Variants in TBC1D19 observed in about 807,000 individuals in gnomAD.
TBC1D19 encodes TBC1 domain family, member 19.
In TBC1D19, 60 loss-of-function variants were observed where a neutral mutation model predicts 89.0. The observed-to-expected ratio is 0.67, with a 90% CI of 0.55 to 0.84. TBC1D19 has a LOEUF of 0.84. Among genes scored for constraint, TBC1D19 ranks in the 40% least tolerant of loss-of-function variants. TBC1D19 has a pLI of 0.00. For synonymous variants in TBC1D19, 189 were observed against 199.7 expected (o/e 0.95, Z 0.45); for missense variants, 500 against 610.8 (o/e 0.82, Z 1.91).
chr4:26,707,111 G>T (rs896476908), intron 13 of TBC1D19, among the ~76,000 whole-genome samples: 1 of 151,716 alleles, frequency 6.6e-6, no homozygotes, highest in Non-Finnish European at 1.5e-5. Flanking sequence ...CCTGTCTAGT[G>T]GTTCTATCCA....
chr4:26,844,129 C>A, the TBC1D19 span, among the ~76,000 whole-genome samples: 1 of 152,144 alleles, frequency 6.6e-6, no homozygotes, highest in Non-Finnish European at 1.5e-5. Flanking sequence ...TAAATTAAGT[C>A]TTCATATCTT....
At chr4:26,817,981 A>ATATATATATATATATATATAT in the TBC1D19 span, among the ~76,000 whole-genome samples, 153 of 125,910 alleles carry the variant, frequency 1.2e-3, 3 homozygotes, top group African/African-American at 5.2e-3. Flanking sequence ...AAAAAAAAAA[A>ATATATATATATATATATATAT]ATATATATAT....
intron 17 of TBC1D19, chr4:26,740,898 A>T: frequency 1.0e-6 from 1 of 985,398 alleles, no homozygotes; most frequent in Non-Finnish European, 1.2e-6. Flanking sequence ...ATACATCGCT[A>T]GTGAAAGTTG....
chr4:26,720,219 A>G (rs1451615332), intron 15 of TBC1D19, 94 bp downstream of exon 15: 3 of 848,464 alleles, frequency 3.5e-6, no homozygotes, highest in Non-Finnish European at 5.4e-6. Flanking sequence ...TTAATGGATA[A>G]TCATTTATTA....
rs1333429109 is a variant in TBC1D19, at chr4:26,592,850, G to A, written c.99+8558G>A. Reference sequence around the variant, plus strand: ...AATGAAATAAAAGAGGATACAAACAGATGGAAGAACATTCCATGCTCATGG... The same window carrying A: ...AATGAAATAAAAGAGGATACAAACAAATGGAAGAACATTCCATGCTCATGG... On this transcript the variant is annotated intron_variant, in intron 1 of 20. Transcript: ENST00000264866. Among the ~76,000 whole-genome samples the A allele has an allele frequency of 1.7e-4, 26 of 152,004 alleles. No homozygotes were observed. The East Asian group carries it at 2.7e-3, about 16-fold the overall frequency.
At chr4:26,661,823 T>C (rs1442047123) in intron 8 of TBC1D19, among the ~76,000 whole-genome samples, 1 of 152,160 alleles carries the variant, frequency 6.6e-6, no homozygotes, top group African/African-American at 2.4e-5. Flanking sequence ...ATCCAAATGC[T>C]ACTTCCCAAC....
At chr4:26,583,052 C>T (rs189004363), upstream of TBC1D19, among the ~76,000 whole-genome samples, 16 of 152,274 alleles carry the variant, frequency 1.1e-4, no homozygotes, top group Non-Finnish European at 1.6e-4. Context: ...CTCTTTGTTT[C>T]TAGTTAGTCT....
chr4:26,620,768 G>A (rs1741998029), intron 4 of TBC1D19, 80 bp downstream of exon 4: 7 of 1,250,116 alleles, frequency 5.6e-6, no homozygotes, highest in Non-Finnish European at 7.9e-6. Context: ...CTGATGTCAG[G>A]AGTATGTATT....
chr4:26,613,327 A>G, intron 2 of TBC1D19, 86 bp downstream of exon 2: 2 of 798,374 alleles, frequency 2.5e-6, no homozygotes, highest in East Asian at 3.1e-5. Flanking sequence ...AGCTTGTACA[A>G]CCACCTTACT....
downstream of TBC1D19, among the ~76,000 whole-genome samples, chr4:26,758,875 C>A (rs1719361219): frequency 6.6e-6 from 1 of 152,186 alleles, no homozygotes; most frequent in African/African-American, 2.4e-5. Context: ...ACTGCTCAAA[C>A]TAGAGTAGTA....
intron 10 of TBC1D19, 142 bp from the exon 11 acceptor site, chr4:26,673,634 A>G: frequency 1.6e-6 from 1 of 637,276 alleles, no homozygotes; most frequent in East Asian, 3.0e-5. Context: ...CAGAGAATAA[A>G]TTTTAAAAGG....
chr4:26,577,673 AG>A (rs1468659607), intron 1 of TBC1D19, among the ~76,000 whole-genome samples: 1 of 152,178 alleles, frequency 6.6e-6, no homozygotes, highest in African/African-American at 2.4e-5. Flanking sequence ...GAAGTGAGAC[AG>A]GGAAGGGAAG....
At chr4:26,644,978 G>A (rs1012752009) in intron 7 of TBC1D19, among the ~76,000 whole-genome samples, 6 of 151,652 alleles carry the variant, frequency 4.0e-5, no homozygotes, top group Admixed American at 2.6e-4. Flanking sequence ...AATCAAAATC[G>A]TGAAAATGGC....
chr4:26,832,222 G>A, the TBC1D19 span, among the ~76,000 whole-genome samples: 8 of 152,046 alleles, frequency 5.3e-5, no homozygotes, highest in Admixed American at 1.3e-4. Context: ...CAGATTTTTT[G>A]GCAAATGAGT....
At chr4:26,584,978 G>T (rs1312887111) in intron 1 of TBC1D19, 2 of 194,282 alleles carry the variant, frequency 1.0e-5, no homozygotes, top group Non-Finnish European at 2.2e-5. Context: ...CAGTAGTTCT[G>T]TTCCTTTTTA....
At chr4:26,824,319 A>G in the TBC1D19 span, among the ~76,000 whole-genome samples, 1 of 152,208 alleles carries the variant, frequency 6.6e-6, no homozygotes, top group African/African-American at 2.4e-5. Context: ...TCTTATTAAG[A>G]CAACTGCAGC....
At chr4:26,813,036 G>A in the TBC1D19 span, among the ~76,000 whole-genome samples, 2 of 151,912 alleles carry the variant, frequency 1.3e-5, no homozygotes, top group African/African-American at 4.8e-5. Flanking sequence ...TGGACAACAT[G>A]ATTAGGCCTC....
chr4:26,683,616 A>T, intron 11 of TBC1D19, 59 bp from the exon 12 acceptor site: 1 of 1,384,018 alleles, frequency 7.2e-7, no homozygotes, highest in Non-Finnish European at 1.0e-6. Flanking sequence ...ATTTGAGTTT[A>T]AGGCTGACTT....
the TBC1D19 span, among the ~76,000 whole-genome samples, chr4:26,779,207 C>A: frequency 2.0e-5 from 3 of 152,168 alleles, no homozygotes; most frequent in African/African-American, 7.2e-5. Flanking sequence ...AATGAAACTA[C>A]CGGAAGCCTC....
Sources: allele counts gnomAD v4.1 joint callset (sites outside exome capture counted in the v4.1 genomes callset), GRCh38; gene constraint gnomAD v4.1.1; transcripts MANE v1.5; gene names NCBI Gene and HGNC (gene_info 2026-07-23, HGNC 2026-07-21).